The following ACYP2 variants were observed in gnomAD, a reference collection of about 807,000 sequenced individuals.
ACYP2 encodes acylphosphatase-2.
ACYP2 carries 12 observed loss-of-function variants against 11.2 expected under a neutral mutation model. The ratio of observed to expected loss-of-function variants is 1.08; its 90% CI spans 0.69 to 1.74. The LOEUF (loss-of-function observed/expected upper bound fraction) is 1.74, where lower values mean the gene tolerates loss of function less well. Ranked by LOEUF, ACYP2 falls within the 40% of genes most tolerant of loss-of-function variation. The probability of loss-of-function intolerance (pLI) is 0.00; values close to 1 mark genes in which losing one functional copy is unlikely to be tolerated. For synonymous variants in ACYP2, 43 were observed against 32.2 expected, an observed-to-expected ratio of 1.33 and a Z score of -1.13; for missense variants, 134 against 101.9, an observed-to-expected ratio of 1.31 and a Z score of -1.35.
intron 6 of ACYP2, among the ~76,000 whole-genome samples, chr2:54,243,490 G>A (rs843650): frequency 0.77 from 116,815 of 152,098 alleles, 45,918 homozygotes; most frequent in East Asian, 0.96. Flanking sequence ...TTATTTATTT[G>A]TTCATTCATT....
intron 6 of ACYP2, among the ~76,000 whole-genome samples, chr2:54,181,403 A>G (rs968825841): frequency 1.3e-5 from 2 of 152,170 alleles, no homozygotes; most frequent in Admixed American, 6.6e-5. Flanking sequence ...ATCACCTTGT[A>G]TAAGTTTCTT....
intron 6 of ACYP2, among the ~76,000 whole-genome samples, chr2:54,143,735 T>A (rs933285409): frequency 1.3e-5 from 1 of 76,748 alleles, no homozygotes; most frequent in Non-Finnish European, 2.3e-5. Flanking sequence ...CCCAGCCGGT[T>A]TTTTTTTTTT....
Position 54,177,909 on chromosome 2 carries a change from T to A in ACYP2, c.404+39161T>A, listed in dbSNP as rs1245556076. 1.3e-3 allele frequency among the ~76,000 whole-genome samples: 181 copies of A among 142,764 alleles called. 1 individual carries two copies. Among genetic ancestry groups the A allele is most frequent in the South Asian group, 1.9e-3 (9 of 4,622 alleles). The allele number at this position is 142,764 out of a possible 152,430, so 93.7% of individuals were successfully genotyped here. ...GTTTCTTTTCTTTCTTTCTTTATTT[T>A]TTTTTTTTTTTTTGAGATGGAGTCT... On this transcript the variant is annotated intron_variant, in intron 6 of 6. Coordinates refer to ENST00000607452, the MANE Select transcript of ACYP2 (RefSeq NM_001320586.2).
At chr2:54,175,975 C>T (rs945711896) in intron 6 of ACYP2, among the ~76,000 whole-genome samples, 3 of 152,146 alleles carry the variant, frequency 2.0e-5, no homozygotes, top group African/African-American at 7.2e-5. Flanking sequence ...AGAGCTCTCA[C>T]ACCCCCTTTA....
At chr2:54,223,235 C>T (rs2103953623) in intron 6 of ACYP2, among the ~76,000 whole-genome samples, 1 of 152,312 alleles carries the variant, frequency 6.6e-6, no homozygotes, top group African/African-American at 2.4e-5. Flanking sequence ...GAATTTTCAA[C>T]ATTGACAATT....
chr2:54,201,804 G>T, intron 6 of ACYP2, among the ~76,000 whole-genome samples: 1 of 151,182 alleles, frequency 6.6e-6, no homozygotes, highest in East Asian at 2.0e-4. Context: ...CACCTTCCAG[G>T]TTCAAGCAAT....
chr2:53,990,037 G>A (rs1452963483), intron 2 of ACYP2, among the ~76,000 whole-genome samples: 2 of 148,550 alleles, frequency 1.3e-5, no homozygotes, highest in Non-Finnish European at 3.0e-5. Context: ...TGAGTGCAAT[G>A]GTGTGATCTC....
intron 6 of ACYP2, among the ~76,000 whole-genome samples, chr2:54,276,985 A>T (rs549379349): frequency 6.6e-6 from 1 of 152,314 alleles, no homozygotes; most frequent in East Asian, 1.9e-4. Context: ...CATAAATTTA[A>T]TGGCTATTAT....
At chr2:54,002,192 C>G (rs1414057086) in intron 2 of ACYP2, among the ~76,000 whole-genome samples, 3 of 152,182 alleles carry the variant, frequency 2.0e-5, no homozygotes, top group African/African-American at 7.2e-5. Context: ...ACCTGGCAAC[C>G]TCTGATCTTT....
At chr2:54,135,533 A>G in intron 5 of ACYP2, 64 bp downstream of exon 2, 1 of 1,461,244 alleles carries the variant, frequency 6.8e-7, no homozygotes. Context: ...AATTACAGAG[A>G]TAGGGCAGTT....
At chr2:54,135,054 T>G (rs1247474948) in intron 4 of ACYP2, among the ~76,000 whole-genome samples, 2 of 152,214 alleles carry the variant, frequency 1.3e-5, no homozygotes, top group Non-Finnish European at 2.9e-5. Flanking sequence ...CTTTGGCGCA[T>G]TTGCCAGCAT....
At chr2:54,104,436 G>A (rs867170734) in intron 4 of ACYP2, among the ~76,000 whole-genome samples, 11 of 152,034 alleles carry the variant, frequency 7.2e-5, no homozygotes, top group African/African-American at 2.7e-4. Flanking sequence ...ACCATAAAAG[G>A]GCAAGCTTAG....
At chr2:54,132,526 T>C (rs911163848) in intron 4 of ACYP2, among the ~76,000 whole-genome samples, 1 of 152,166 alleles carries the variant, frequency 6.6e-6, no homozygotes, top group Admixed American at 6.5e-5. Flanking sequence ...ATAAATCTGC[T>C]TACAAAACTG....
chr2:54,103,579 A>G (rs1180820978), intron 4 of ACYP2, among the ~76,000 whole-genome samples: 1 of 152,210 alleles, frequency 6.6e-6, no homozygotes, highest in Non-Finnish European at 1.5e-5. Context: ...CATTCTAAAC[A>G]CTAAATAGTT....
chr2:54,090,164 C>A (rs1336403304), intron 4 of ACYP2, among the ~76,000 whole-genome samples: 3 of 151,756 alleles, frequency 2.0e-5, no homozygotes, highest in Non-Finnish European at 4.4e-5. Context: ...AAAAAGTTTG[C>A]CCATGTGTTC....
At chr2:54,150,413 CT>C (rs1558570996) in intron 6 of ACYP2, among the ~76,000 whole-genome samples, 1 of 152,126 alleles carries the variant, frequency 6.6e-6, no homozygotes, top group South Asian at 2.1e-4. Context: ...TTCTGTGTTT[CT>C]TTTTTGTTTG....
chr2:54,247,330 C>T (rs1687002083), intron 6 of ACYP2, among the ~76,000 whole-genome samples: 1 of 152,120 alleles, frequency 6.6e-6, no homozygotes, highest in Non-Finnish European at 1.5e-5. Flanking sequence ...AATCCCTTCC[C>T]CACCCAAAAA....
chr2:54,176,626 G>A (rs375862290), intron 6 of ACYP2, among the ~76,000 whole-genome samples: 3 of 152,208 alleles, frequency 2.0e-5, no homozygotes, highest in South Asian at 4.1e-4. Context: ...AGTCAGTCAT[G>A]TGTTAACTGA....
chr2:54,198,919 C>A (rs766388128), intron 6 of ACYP2, among the ~76,000 whole-genome samples: 14 of 152,174 alleles, frequency 9.2e-5, no homozygotes, highest in Non-Finnish European at 2.1e-4. Context: ...CACTCTCTCC[C>A]CTCAGCTTCC....
Sources: allele counts gnomAD v4.1 joint callset (sites outside exome capture counted in the v4.1 genomes callset), GRCh38; gene constraint gnomAD v4.1.1; transcripts MANE v1.5; gene names NCBI Gene and HGNC (gene_info 2026-07-23, HGNC 2026-07-21).